Variants in OGN observed in about 807,000 individuals in gnomAD.
OGN encodes osteoglycin.
In OGN, 19 loss-of-function variants were observed where a neutral mutation model predicts 30.8. The observed-to-expected ratio is 0.62, with a 90% CI of 0.43 to 0.90. The LOEUF (loss-of-function observed/expected upper bound fraction) is 0.90. Ranked by LOEUF, OGN falls within the 40% of genes least tolerant of loss-of-function variation. The pLI is 0.00. For missense variants in OGN, 283 were observed against 349.7 expected, an observed-to-expected ratio of 0.81 and a Z score of 1.52; for synonymous variants, 126 against 128.3, an observed-to-expected ratio of 0.98 and a Z score of 0.12.
At chr9:92,398,609 T>C (rs1446848559) in intron 3 of OGN, among the ~76,000 whole-genome samples, 2 of 152,198 alleles carry the variant, frequency 1.3e-5, no homozygotes, top group Non-Finnish European at 2.9e-5. Context: ...ATCTTCCTCA[T>C]TCATTTTTAC....
At chr9:92,401,970 C>T (rs1843133271) in intron 2 of OGN, among the ~76,000 whole-genome samples, 1 of 152,122 alleles carries the variant, frequency 6.6e-6, no homozygotes, top group South Asian at 2.1e-4. Context: ...GTTGAACTTC[C>T]TCCCTCTACT....
rs377336460 is a variant in OGN, at chr9:92,393,406, T to C, written c.269-162A>G. On this transcript the variant is annotated intron_variant, in intron 3 of 6. Coordinates refer to ENST00000375561, the MANE Select transcript of OGN (RefSeq NM_014057.5). ...TGGTAACTCGTTACCTATATTGTGC[T>C]TGATAATTCACCAGAATATTGTTTG... Among the ~76,000 whole-genome samples the C allele has an allele frequency of 9.2e-5, 14 of 152,356 alleles. No individual in the cohort carries two copies. The East Asian group carries it at 1.5e-3, about 17-fold the overall frequency.
rs942604527 is a variant in OGN at position 92,391,167 on chromosome 9, T to C, written c.428-1111A>G. ...ATCCCAGCACTTTGGGAGGCCAAGG[T>C]GGGCGGATCATGAGGTCAGGAGATC... On this transcript the variant is annotated intron_variant, in intron 4 of 6. Coordinates refer to ENST00000375561, the MANE Select transcript of OGN (RefSeq NM_014057.5). Among the ~76,000 whole-genome samples the C allele has an allele frequency of 2.7e-5, 4 of 149,214 alleles. No homozygotes were observed. In the East Asian group the frequency reaches 7.9e-4, roughly 29 times the overall value.
chr9:92,392,622 G>T (rs1351768795), intron 4 of OGN, among the ~76,000 whole-genome samples: 1 of 151,450 alleles, frequency 6.6e-6, no homozygotes. Context: ...GTCGGGTTGG[G>T]GGGAGGGGGG....
Position 92,385,683 on chromosome 9 carries a change from G to C in OGN, c.834C>G (p.Val278=), listed in dbSNP as rs750625278. The change falls in exon 7 of 7, where the codon GTC becomes GTG. Residue 278 remains valine (V), a synonymous_variant. Coordinates refer to ENST00000375561, the MANE Select transcript of OGN (RefSeq NM_014057.5). ...EEIRLEGNPI[V]LGKHPNSFIC... ...TAAAACTGTTTGGATGCTTTCCCAG[G>C]ACGATTGGATTGCCCTCCAGGCGTA... 5 of 1,613,992 alleles carry C rather than the reference G, an allele frequency of 3.1e-6. No individual in the cohort carries two copies. The African/African-American group carries it at 6.7e-5, about 22-fold the overall frequency.
chr9:92,393,746 T>A (rs746681257), intron 3 of OGN, among the ~76,000 whole-genome samples: 2 of 152,210 alleles, frequency 1.3e-5, no homozygotes, highest in African/African-American at 2.4e-5. Context: ...TCCTTAGTCT[T>A]TGTTTTTTAT....
At chr9:92,386,462 GT>G (rs1323041707) in intron 5 of OGN, among the ~76,000 whole-genome samples, 166 bp from the exon 6 acceptor site, 2 of 151,718 alleles carry the variant, frequency 1.3e-5, no homozygotes, top group African/African-American at 4.8e-5. Context: ...TCTTGTTTGG[GT>G]TTTTTTTCTG....
chr9:92,396,623 G>A (rs766681208), intron 3 of OGN, among the ~76,000 whole-genome samples: 3 of 150,620 alleles, frequency 2.0e-5, no homozygotes, highest in South Asian at 4.2e-4. Context: ...GGGTACAGTC[G>A]CATGATCATG....
At chr9:92,399,736 A>T (rs1404589016) in intron 3 of OGN, among the ~76,000 whole-genome samples, 1 of 152,190 alleles carries the variant, frequency 6.6e-6, no homozygotes, top group East Asian at 1.9e-4. Flanking sequence ...TGTTTCTCCC[A>T]GCACCATTTT....
chr9:92,401,843 A>G (rs1307573260), intron 2 of OGN, among the ~76,000 whole-genome samples: 1 of 152,026 alleles, frequency 6.6e-6, no homozygotes, highest in Non-Finnish European at 1.5e-5. Flanking sequence ...CTGCCATTAG[A>G]TTACAGTGTA....
At position 92,404,365 on chromosome 9, in the gene OGN, A is replaced by G. The variant is rs542591060; in HGVS notation, c.-76+131T>C. On this transcript the variant is annotated intron_variant, in intron 1 of 6. Coordinates refer to ENST00000375561, the MANE Select transcript of OGN (RefSeq NM_014057.5). Reference sequence around the variant, plus strand: ...AATTTATGCGATGATATACATAAGTACTTCTTAAAAATTAATTGAGGTAAC... The same window carrying G: ...AATTTATGCGATGATATACATAAGTGCTTCTTAAAAATTAATTGAGGTAAC... The G allele has an allele frequency of 7.2e-5, 33 of 459,822 alleles. No homozygotes were observed. In the East Asian group the frequency reaches 3.2e-3, roughly 45 times the overall value. 28.5% of individuals were successfully genotyped at this position (459,822 alleles called of 1,614,324 possible).
At chr9:92,401,986 T>A (rs1843134558) in intron 2 of OGN, among the ~76,000 whole-genome samples, 1 of 152,186 alleles carries the variant, frequency 6.6e-6, no homozygotes, top group Admixed American at 6.5e-5. Flanking sequence ...CTACTCTGTG[T>A]TTGCACATCA....
chr9:92,402,534 C>A (rs932360999), intron 2 of OGN, among the ~76,000 whole-genome samples: 2 of 152,300 alleles, frequency 1.3e-5, no homozygotes, highest in South Asian at 4.1e-4. Context: ...CCTTACCCAG[C>A]ATTCATTTCT....
chr9:92,396,647 C>G (rs1842904649), intron 3 of OGN, among the ~76,000 whole-genome samples: 1 of 151,316 alleles, frequency 6.6e-6, no homozygotes, highest in Non-Finnish European at 1.5e-5. Context: ...CACTGCAAAC[C>G]TCGACCTCCT....
chr9:92,385,543 C>G lies in OGN; in HGVS notation c.*77G>C. 7.9e-7 allele frequency: 1 copy of G among 1,262,578 alleles called. No individual in the cohort carries two copies. The highest frequency in any genetic ancestry group is 1.1e-6 in the Non-Finnish European group (1 of 891,668). 78.2% of individuals were successfully genotyped at this position (1,262,578 alleles called of 1,614,324 possible). A position where few individuals can be genotyped will look rare whatever the true frequency, so the allele number is the denominator to read the frequency against. On this transcript the variant is annotated 3_prime_UTR_variant, in exon 7 of 7. Transcript: ENST00000375561. ...ATACAAGGTTAATATTAAACCAATA[C>G]TTAAGTTCCTTTACTCATTGTTGAG...
chr9:92,385,452 T>C lies in OGN; in HGVS notation c.*168A>G. On this transcript the variant is annotated 3_prime_UTR_variant, in exon 7 of 7. Transcript: ENST00000375561. ...TTCGAACGTAGACATTCAGTCTTACTTTTTACTTATTATATGTAAGATTTT... is the reference window on the plus strand; with the variant it reads ...TTCGAACGTAGACATTCAGTCTTACCTTTTACTTATTATATGTAAGATTTT... The C allele has an allele frequency of 1.7e-6, 1 of 593,530 alleles. No homozygotes were observed. The highest frequency in any genetic ancestry group is 2.9e-6 in the Non-Finnish European group (1 of 346,236). 36.8% of individuals were successfully genotyped at this position (593,530 alleles called of 1,614,324 possible).
Position 92,384,000 on chromosome 9 carries a change from A to C in OGN, c.*1620T>G, listed in dbSNP as rs1265049801. 6.6e-6 allele frequency: 1 copy of C among 152,206 alleles called. No homozygotes were observed. Among genetic ancestry groups the C allele is most frequent in the Non-Finnish European group, 1.5e-5 (1 of 68,016 alleles). 9.4% of individuals were successfully genotyped at this position (152,206 alleles called of 1,614,324 possible). On this transcript the variant is annotated 3_prime_UTR_variant, in exon 7 of 7. Coordinates refer to ENST00000375561, the MANE Select transcript of OGN (RefSeq NM_014057.5). ...AGATGGATTTTATTTTGCAATATTT[A>C]TTATATATTCAATTCAAATGTACTC...
chr9:92,384,536 G>T lies in OGN; in HGVS notation c.*1084C>A, dbSNP rs1435349664. ...AATGTTATTTTAGAAACTTTACTCT[G>T]GCACCACTGAGTCATCATAAATTAT... On this transcript the variant is annotated 3_prime_UTR_variant, in exon 7 of 7. Coordinates refer to ENST00000375561, the MANE Select transcript of OGN (RefSeq NM_014057.5). 3.9e-5 allele frequency: 6 copies of T among 152,104 alleles called. No homozygotes were observed. The highest frequency in any genetic ancestry group is 1.4e-4 in the African/African-American group (6 of 41,424). 9.4% of individuals were successfully genotyped at this position (152,104 alleles called of 1,614,324 possible). A position where few individuals can be genotyped will look rare whatever the true frequency, so the allele number is the denominator to read the frequency against.
intron 5 of OGN, among the ~76,000 whole-genome samples, chr9:92,389,088 T>A (rs1410940173): frequency 6.6e-6 from 1 of 152,186 alleles, no homozygotes; most frequent in Admixed American, 6.5e-5. Flanking sequence ...GAATATTTGA[T>A]AGTTTCTGAA....
Sources: allele counts gnomAD v4.1 joint callset (sites outside exome capture counted in the v4.1 genomes callset), GRCh38; gene constraint gnomAD v4.1.1; transcripts MANE v1.5; gene names NCBI Gene and HGNC (gene_info 2026-07-23, HGNC 2026-07-21).